Variants in PPP6C observed in about 807,000 individuals in gnomAD.
The protein encoded by PPP6C is protein phosphatase 6 catalytic subunit.
Under a neutral mutation model 39.8 loss-of-function variants are expected in PPP6C, and 11 were observed. That is an observed-to-expected ratio of 0.28 (90% CI 0.17 to 0.46). The LOEUF is 0.46. PPP6C is among the 20% of genes least tolerant of loss of function. The pLI is 1.00. For synonymous variants in PPP6C, 129 were observed against 130.3 expected, an observed-to-expected ratio of 0.99 and a Z score of 0.07; for missense variants, 211 against 373.9, an observed-to-expected ratio of 0.56 and a Z score of 3.59.
intron 1 of PPP6C, among the ~76,000 whole-genome samples, chr9:125,183,862 ACCTC>A (rs1462635786): frequency 6.6e-6 from 1 of 151,714 alleles, no homozygotes. Context: ...TTACCTCCTT[ACCTC>A]CCTTACTATA....
At chr9:125,153,845 T>C in intron 5 of PPP6C, 61 bp downstream of exon 5, 1 of 1,530,858 alleles carries the variant, frequency 6.5e-7, no homozygotes, top group Admixed American at 1.7e-5. Context: ...GACAACTAGA[T>C]AAAAATATGC....
rs1033782097 is a variant in PPP6C, at chr9:125,147,606, A to T, written c.*2067T>A. 2.0e-5 allele frequency: 3 copies of T among 152,202 alleles called. No individual in the cohort carries two copies. The highest frequency in any genetic ancestry group is 4.4e-5 in the Non-Finnish European group (3 of 68,008). 9.4% of individuals were successfully genotyped at this position (152,202 alleles called of 1,614,324 possible). ...AGATGGCAGATAAGGAATGGAGAGA[A>T]TATTATTGGCACGTGCCCAACTAGT... On this transcript the variant is annotated 3_prime_UTR_variant, in exon 7 of 7. Transcript: ENST00000373547.
At chr9:125,185,649 G>A (rs879287321) in intron 1 of PPP6C, among the ~76,000 whole-genome samples, 9 of 141,594 alleles carry the variant, frequency 6.4e-5, no homozygotes, top group Admixed American at 6.3e-4. Flanking sequence ...AGCTGAGAAC[G>A]TGCACCTGCA....
chr9:125,186,408 C>T (rs1479984480), intron 1 of PPP6C, among the ~76,000 whole-genome samples: 5 of 151,910 alleles, frequency 3.3e-5, no homozygotes, highest in Non-Finnish European at 5.9e-5. Context: ...ATTCAGAATA[C>T]TTTTGTCTTG....
chr9:125,184,463 A>C (rs1184732724), intron 1 of PPP6C, among the ~76,000 whole-genome samples: 1 of 152,044 alleles, frequency 6.6e-6, no homozygotes, highest in Non-Finnish European at 1.5e-5. Flanking sequence ...AGGCTGAGGC[A>C]GAAGGATCAA....
intron 1 of PPP6C, among the ~76,000 whole-genome samples, chr9:125,175,329 C>G (rs1163210171): frequency 6.6e-6 from 1 of 151,862 alleles, no homozygotes; most frequent in Non-Finnish European, 1.5e-5. Flanking sequence ...TTATAAAATT[C>G]TGGTTTGCAT....
intron 6 of PPP6C, among the ~76,000 whole-genome samples, chr9:125,152,976 G>A (rs1254109319): frequency 6.6e-6 from 1 of 151,034 alleles, no homozygotes; most frequent in African/African-American, 2.4e-5. Flanking sequence ...TACAGTACTT[G>A]AAAGGAAAGG....
chr9:125,151,109 G>A (rs1016578155), intron 6 of PPP6C: 21 of 1,360,558 alleles, frequency 1.5e-5, no homozygotes, highest in Non-Finnish European at 2.1e-5. Context: ...AAGTGGATAA[G>A]GGAGAATATC....
chr9:125,148,317 G>T lies in PPP6C; in HGVS notation c.*1356C>A, dbSNP rs930538326. 2.0e-5 allele frequency: 3 copies of T among 152,036 alleles called. No individual in the cohort carries two copies. The highest frequency in any genetic ancestry group is 4.4e-5 in the Non-Finnish European group (3 of 68,010). The allele number at this position is 152,036 out of a possible 1,614,324, so 9.4% of individuals were successfully genotyped here. On this transcript the variant is annotated 3_prime_UTR_variant, in exon 7 of 7. Coordinates refer to ENST00000373547, the MANE Select transcript of PPP6C (RefSeq NM_002721.5). ...TAACAAAAATTAATCATAGTAAAGG[G>T]ATACCAACTATTTCACAAAATGTAC... is the stretch of plus-strand genomic sequence containing the variant.
At chr9:125,188,547 A>G (rs1039302286) in intron 1 of PPP6C, among the ~76,000 whole-genome samples, 2 of 152,114 alleles carry the variant, frequency 1.3e-5, no homozygotes, top group African/African-American at 4.8e-5. Flanking sequence ...GCACTTTGGT[A>G]GGCCGAAGCG....
rs1313435775 is a variant in PPP6C, at chr9:125,148,192, G to C, written c.*1481C>G. 6.1e-6 allele frequency: 1 copy of C among 163,430 alleles called. No homozygotes were observed. The highest frequency in any genetic ancestry group is 6.0e-5 in the Admixed American group (1 of 16,788). 10.1% of individuals were successfully genotyped at this position (163,430 alleles called of 1,614,324 possible). ...TTTTATTGCATTTTTAGGTAACCTG[G>C]AAGTTCTTATCCTGAAGGGGAAAAG... On this transcript the variant is annotated 3_prime_UTR_variant, in exon 7 of 7. Coordinates refer to ENST00000373547, the MANE Select transcript of PPP6C (RefSeq NM_002721.5).
chr9:125,164,757 G>T (rs557086783), intron 2 of PPP6C, among the ~76,000 whole-genome samples: 2 of 151,084 alleles, frequency 1.3e-5, no homozygotes, highest in Non-Finnish European at 3.0e-5. Flanking sequence ...ATTTTTTTTT[G>T]AGACGGAGTC....
At position 125,189,703 on chromosome 9, in the gene PPP6C, G is replaced by A; in HGVS notation, c.16C>T (p.Leu6=). 1 of 1,596,094 alleles carries A rather than the reference G, an allele frequency of 6.3e-7. No individual in the cohort carries two copies. Among genetic ancestry groups the A allele is most frequent in the Non-Finnish European group, 8.5e-7 (1 of 1,173,836 alleles). Residue 6 remains leucine (L), a synonymous_variant, in exon 1 of 7, where the codon CTG becomes TTG. Transcript: ENST00000373547. ...CGCGCTATTTCCACATACTTGTCCA[G>A]GTCTAGCGGCGCCATTTTAAGAATA... MAPLD[L]DKYVEIARLC...
chr9:125,171,852 C>T (rs185827282), intron 1 of PPP6C: 4 of 456,366 alleles, frequency 8.8e-6, no homozygotes, highest in Admixed American at 2.4e-5. Flanking sequence ...CCGTGCCCAG[C>T]CAGTAAAAGA....
At chr9:125,167,394 AAAAAAG>A in intron 2 of PPP6C, among the ~76,000 whole-genome samples, 1 of 146,822 alleles carries the variant, frequency 6.8e-6, no homozygotes, top group East Asian at 2.0e-4. Context: ...AAAAAAAAAA[AAAAAAG>A]AAATAAAAAA....
chr9:125,167,379 C>CAA (rs758123351), intron 2 of PPP6C, among the ~76,000 whole-genome samples: 34 of 56,060 alleles, frequency 6.1e-4, no homozygotes, highest in African/African-American at 1.1e-3. Context: ...AGACCCTGTC[C>CAA]AAAAAAAAAA....
intron 6 of PPP6C, among the ~76,000 whole-genome samples, chr9:125,150,388 C>T (rs1835905049): frequency 1.3e-5 from 2 of 151,494 alleles, no homozygotes; most frequent in Admixed American, 1.3e-4. Context: ...TTTTTGACTT[C>T]ATTATGATGC....
At chr9:125,176,524 G>A (rs1829300765) in intron 1 of PPP6C, among the ~76,000 whole-genome samples, 1 of 152,220 alleles carries the variant, frequency 6.6e-6, no homozygotes, top group South Asian at 2.1e-4. Flanking sequence ...GGGCGTGGTG[G>A]CATGTGCCTG....
intron 1 of PPP6C, among the ~76,000 whole-genome samples, chr9:125,183,439 T>C (rs577249816): frequency 2.6e-5 from 4 of 152,234 alleles, no homozygotes; most frequent in African/African-American, 9.6e-5. Flanking sequence ...CCTGTAATAA[T>C]TTTCTTTGAA....
Sources: gnomAD v4.1 joint callset for allele counts (sites outside exome capture counted in the v4.1 genomes callset) on GRCh38, gnomAD v4.1.1 for gene constraint, MANE v1.5 for transcripts, NCBI Gene and HGNC (gene_info 2026-07-23, HGNC 2026-07-21) for gene names.